MMP8: variants seen among roughly 807,000 people sequenced by gnomAD.
MMP8 encodes neutrophil collagenase.
Under a neutral mutation model 51.2 loss-of-function variants are expected in MMP8, and 67 were observed. That is an observed-to-expected ratio of 1.31 (90% CI 1.08 to 1.60). The LOEUF (loss-of-function observed/expected upper bound fraction) is 1.60. Among genes scored for constraint, MMP8 ranks in the 40% most tolerant of loss-of-function variants. The probability of loss-of-function intolerance (pLI) is 0.00; values close to 1 mark genes in which losing one functional copy is unlikely to be tolerated. For synonymous variants in MMP8, 225 were observed against 191.0 expected, an observed-to-expected ratio of 1.18 and a Z score of -1.47; for missense variants, 654 against 558.1, an observed-to-expected ratio of 1.17 and a Z score of -1.73.
rs186179252 is a variant in MMP8, at chr11:102,723,185, A to G, written c.103-512T>C. The G allele has an allele frequency of 8.8e-5, 45 of 510,936 alleles. No individual in the cohort carries two copies. In the East Asian group the frequency reaches 9.0e-4, roughly 10 times the overall value. The allele number at this position is 510,936 out of a possible 1,614,324, so 31.7% of individuals were successfully genotyped here. On this transcript the variant is annotated intron_variant, in intron 1 of 9. Transcript: ENST00000236826. ...AATGAGAACTGATAATTTCAAAATA[A>G]TTTCAAATATCTTTTAGGGGAACAG...
Position 102,713,439 on chromosome 11 carries a change from C to T in MMP8, c.1313G>A (p.Ser438Asn). Residue 438 changes from serine (S) to asparagine (N), a missense_variant, in exon 10 of 10, where the codon AGT becomes AAT. Coordinates refer to ENST00000236826, the MANE Select transcript of MMP8 (RefSeq NM_002424.3). ...ATCAAATGCGTAATATCTTGGTCCA[C>T]TGAAGACATGGAAGAAATCTATAAA... ...FQQEHFFHVF[S>N]GPRYYAFDLI... The T allele has an allele frequency of 6.2e-7, 1 of 1,612,234 alleles. No homozygotes were observed. Among genetic ancestry groups the T allele is most frequent in the East Asian group, 2.2e-5 (1 of 44,846 alleles).
At chr11:102,716,471 C>CAGTA in intron 5 of MMP8, 52 bp from the exon 6 acceptor site, 2 of 1,176,264 alleles carry the variant, frequency 1.7e-6, no homozygotes, top group Non-Finnish European at 2.4e-6. Flanking sequence ...AGAGTAAGTC[C>CAGTA]GGTGTGACTC....
Position 102,721,403 on chromosome 11 carries a change from G to A in MMP8, c.620C>T (p.Ala207Val). The A allele has an allele frequency of 6.2e-7, 1 of 1,613,482 alleles. No homozygotes were observed. The highest frequency in any genetic ancestry group is 8.5e-7 in the Non-Finnish European group (1 of 1,179,676). Residue 207 changes from alanine to valine, a missense_variant and splice_region_variant, in exon 4 of 10, where the codon GCA (alanine) becomes GTA (valine). Coordinates refer to ENST00000236826, the MANE Select transcript of MMP8 (RefSeq NM_002424.3). ...DAEETWTNTS[A>V]NYNLFLVAAH... ...GGACATAATCTTGATTAACTTACTT[G>A]CGGAGGTGTTGGTCCATGTTTCTTC...
Position 102,722,630 on chromosome 11 carries a change from T to C in MMP8, c.146A>G (p.Gln49Arg). Residue 49 changes from glutamine to arginine, a missense_variant, in exon 2 of 10, where the codon CAG becomes CGG. Transcript: ENST00000236826. ...KFYQLPSNQY[Q>R]STRKNGTNVI... ...ATTAGTGCCATTCTTCCTTGTAGAC[T>C]GATACTGGTTGCTTGGTAATTGGTA... 6.2e-7 allele frequency: 1 copy of C among 1,613,862 alleles called. No homozygotes were observed. Among genetic ancestry groups the C allele is most frequent in the Admixed American group, 1.7e-5 (1 of 59,974 alleles).
At chr11:102,721,026 GTTGCAATTACTCAGC>G (rs537419637) in intron 4 of MMP8, among the ~76,000 whole-genome samples, 31 of 152,282 alleles carry the variant, frequency 2.0e-4, no homozygotes, top group African/African-American at 7.2e-4. Flanking sequence ...AATGATCCAT[GTTGCAATTACTCAGC>G]TTGCCATTGT....
rs1861468501 is a variant in MMP8, at chr11:102,721,467, G to A, written c.556C>T (p.Pro186Ser). 1.9e-6 allele frequency: 3 copies of A among 1,613,794 alleles called. No individual in the cohort carries two copies. Among genetic ancestry groups the A allele is most frequent in the Non-Finnish European group, 8.5e-7 (1 of 1,179,822 alleles). ...GCATCTCCTCCAATACCTTGGCCTG[G>A]CTGAAAGGCATGAGCAAGGATTCCA... ...PNGILAHAFQ[P>S]GQGIGGDAHF... Residue 186 changes from proline to serine, a missense_variant, in exon 4 of 10, where the codon CCA becomes TCA. Coordinates refer to ENST00000236826, the MANE Select transcript of MMP8 (RefSeq NM_002424.3).
chr11:102,721,228 T>A (rs187586150), intron 4 of MMP8, among the ~76,000 whole-genome samples, 173 bp downstream of exon 4: 2,430 of 152,226 alleles, frequency 0.016, 73 homozygotes, highest in African/African-American at 0.056. Flanking sequence ...TTTCTTTTTT[T>A]AAAAAAATCC....
chr11:102,718,012 C>T, intron 5 of MMP8, among the ~76,000 whole-genome samples: 1 of 152,006 alleles, frequency 6.6e-6, no homozygotes, highest in East Asian at 1.9e-4. Context: ...GAGGCTGAGG[C>T]AGGAGAATTG....
At chr11:102,722,885 TA>T in intron 1 of MMP8, 6 of 1,030,860 alleles carry the variant, frequency 5.8e-6, no homozygotes, top group East Asian at 3.0e-5. Context: ...TGGTTATGCA[TA>T]AAAAAGGGTG....
Position 102,722,660 on chromosome 11 carries a change from T to G in MMP8, c.116A>C (p.Lys39Thr). ...NTKTVQDYLE[K>T]FYQLPSNQYQ... ...CTGGTTGCTTGGTAATTGGTAGAACTTTTCCAGGTAGTCCTGGACAAAGAC... is the reference window on the plus strand; with the variant it reads ...CTGGTTGCTTGGTAATTGGTAGAACGTTTCCAGGTAGTCCTGGACAAAGAC... The change falls in exon 2 of 10, where the codon AAG (lysine) becomes ACG (threonine). Residue 39 changes from lysine to threonine, a missense_variant. Coordinates refer to ENST00000236826, the MANE Select transcript of MMP8 (RefSeq NM_002424.3). 1 of 1,613,686 alleles carries G rather than the reference T, an allele frequency of 6.2e-7. No individual in the cohort carries two copies. Among genetic ancestry groups the G allele is most frequent in the Non-Finnish European group, 8.5e-7 (1 of 1,179,684 alleles).
At chr11:102,723,422 A>G (rs1861531931) in intron 1 of MMP8, 2 of 421,900 alleles carry the variant, frequency 4.7e-6, no homozygotes, top group South Asian at 3.5e-5. Flanking sequence ...TTCTGTTGCT[A>G]TAACAGAATA....
In MMP8 at chr11:102,722,445, T is replaced by C. The variant is rs1475096765; in HGVS notation, c.331A>G (p.Thr111Ala). ...AGATATCACCTGTAGGTCAAGTTAG[T>C]GCGTTCCCACTTGGGGTTTCCTGGG... ...LTPGNPKWER[T>A]NLTYRIRNYT... The change falls in exon 2 of 10, where the codon ACT becomes GCT. Residue 111 changes from threonine to alanine, a missense_variant. Thr to Ala is a moderately conservative substitution (Grantham distance 58). Coordinates refer to ENST00000236826, the MANE Select transcript of MMP8 (RefSeq NM_002424.3). 1 of 1,613,746 alleles carries C rather than the reference T, an allele frequency of 6.2e-7. No homozygotes were observed. Among genetic ancestry groups the C allele is most frequent in the Non-Finnish European group, 8.5e-7 (1 of 1,179,764 alleles).
chr11:102,723,973 A>T (rs1258669441), intron 1 of MMP8: 1 of 295,176 alleles, frequency 3.4e-6, no homozygotes, highest in Non-Finnish European at 7.3e-6. Flanking sequence ...ATGCTCCAAT[A>T]AGGTTCTTGT....
At chr11:102,717,847 C>T (rs368726652) in intron 5 of MMP8, among the ~76,000 whole-genome samples, 4 of 152,300 alleles carry the variant, frequency 2.6e-5, no homozygotes, top group African/African-American at 9.6e-5. Context: ...TGGCTCACGC[C>T]TGTAATCCCA....
At chr11:102,724,122 T>C (rs1218252655) in intron 1 of MMP8, among the ~76,000 whole-genome samples, 1 of 152,200 alleles carries the variant, frequency 6.6e-6, no homozygotes, top group African/African-American at 2.4e-5. Flanking sequence ...CAAACTATAA[T>C]GCTAAGAAAA....
At position 102,722,666 on chromosome 11, in the gene MMP8, A is replaced by G; in HGVS notation, c.110T>C (p.Leu37Pro). The part of the protein sequence containing the change: ...EKNTKTVQDY[L>P]EKFYQLPSNQ... ...GCTTGGTAATTGGTAGAACTTTTCC[A>G]GGTAGTCCTGGACAAAGACAAGCAC... The change falls in exon 2 of 10, where the codon CTG becomes CCG. Residue 37 changes from leucine to proline, a missense_variant. Transcript: ENST00000236826. 1 of 1,613,656 alleles carries G rather than the reference A, an allele frequency of 6.2e-7. No individual in the cohort carries two copies. Among genetic ancestry groups the G allele is most frequent in the South Asian group, 1.1e-5 (1 of 91,060 alleles).
At chr11:102,718,619 AG>A in intron 4 of MMP8, 44 bp from the exon 5 acceptor site, 1 of 1,609,296 alleles carries the variant, frequency 6.2e-7, no homozygotes, top group African/African-American at 1.3e-5. Context: ...TGTGGATCCC[AG>A]GGTGGCAGAA....
Position 102,714,716 on chromosome 11 carries a change from A to G in MMP8, c.1037-7T>C, listed in dbSNP as rs754231517. The G allele has an allele frequency of 1.6e-5, 23 of 1,467,168 alleles. No homozygotes were observed. The highest frequency in any genetic ancestry group is 3.0e-5 in the African/African-American group (2 of 67,440). The allele number at this position is 1,467,168 out of a possible 1,614,324, so 90.9% of individuals were successfully genotyped here. A position where few individuals can be genotyped will look rare whatever the true frequency, so the allele number is the denominator to read the frequency against. ...AGAGCCCAGTATTGGTTGCCTGTCA[A>G]TGATTCAGGTTAAGTGTTAAATACG... is the stretch of plus-strand genomic sequence containing the variant. On this transcript the variant is annotated splice_polypyrimidine_tract_variant and splice_region_variant and intron_variant, in intron 7 of 9. Coordinates refer to ENST00000236826, the MANE Select transcript of MMP8 (RefSeq NM_002424.3).
chr11:102,719,455 C>G (rs1044917315), intron 4 of MMP8, among the ~76,000 whole-genome samples: 5 of 152,096 alleles, frequency 3.3e-5, no homozygotes, highest in African/African-American at 1.2e-4. Context: ...TTATGCAATC[C>G]TCATAACATT....
Sources: allele counts gnomAD v4.1 joint callset (sites outside exome capture counted in the v4.1 genomes callset), GRCh38; gene constraint gnomAD v4.1.1; transcripts MANE v1.5; gene names NCBI Gene and HGNC (gene_info 2026-07-23, HGNC 2026-07-21).